CTNND2: variants seen among roughly 807,000 people sequenced by gnomAD.
CTNND2 encodes the protein catenin delta 2.
A neutral mutation model predicts 144.4 loss-of-function variants in CTNND2; 22 were observed. That is an observed-to-expected ratio of 0.15 (90% confidence interval 0.11 to 0.22). CTNND2 has a LOEUF of 0.22. CTNND2 is among the 10% of genes least tolerant of loss of function. CTNND2 has a pLI of 1.00. For synonymous variants in CTNND2, 751 were observed against 695.6 expected (o/e 1.08, Z -1.25); for missense variants, 1,353 against 1,618.8 (o/e 0.84, Z 2.82).
rs116083102 is a variant in CTNND2 at position 11,204,905 on chromosome 5, G to A, written c.1762-5244C>T. 7.3e-3 allele frequency among the ~76,000 whole-genome samples: 1,108 copies of A among 152,256 alleles called. 15 individuals carry two copies. The highest frequency in any genetic ancestry group is 0.024 in the African/African-American group (1,014 of 41,540). On this transcript the variant is annotated intron_variant, in intron 10 of 21. Transcript: ENST00000304623. ...GGCATTCAGGGCAACAGAAGATATC[G>A]CTCACCTGCTCTGCATTTGCAAAAG...
At chr5:11,153,678 AC>A (rs1757956530) in intron 12 of CTNND2, among the ~76,000 whole-genome samples, 1 of 152,238 alleles carries the variant, frequency 6.6e-6, no homozygotes, top group Non-Finnish European at 1.5e-5. Flanking sequence ...CAGTGCAGAT[AC>A]TTTGACGGGC....
intron 2 of CTNND2, among the ~76,000 whole-genome samples, chr5:11,668,911 T>C (rs188178023): frequency 1.1e-3 from 169 of 152,328 alleles, no homozygotes; most frequent in Non-Finnish European, 1.7e-3. Flanking sequence ...TTACCATAAA[T>C]AGCTCTTATT....
intron 18 of CTNND2, among the ~76,000 whole-genome samples, chr5:10,995,220 G>C (rs1460643217): frequency 6.6e-6 from 1 of 152,236 alleles, no homozygotes; most frequent in African/African-American, 2.4e-5. Context: ...GCAGAAGGCA[G>C]AGGCTGAGTC....
chr5:11,194,128 T>C (rs1157477653), intron 11 of CTNND2, among the ~76,000 whole-genome samples: 3 of 152,020 alleles, frequency 2.0e-5, no homozygotes, highest in African/African-American at 7.2e-5. Context: ...AGAGGTGAGC[T>C]GACAGATGGA....
intron 9 of CTNND2, among the ~76,000 whole-genome samples, chr5:11,320,573 C>T (rs936678535): frequency 1.3e-5 from 2 of 152,184 alleles, no homozygotes; most frequent in African/African-American, 4.8e-5. Flanking sequence ...TTCCACATGG[C>T]TGGGTGGGGG....
At chr5:11,585,188 C>G (rs1157995234) in intron 2 of CTNND2, among the ~76,000 whole-genome samples, 1 of 151,970 alleles carries the variant, frequency 6.6e-6, no homozygotes, top group Non-Finnish European at 1.5e-5. Flanking sequence ...TATCATATAC[C>G]ATGCCATAGA....
intron 1 of CTNND2, among the ~76,000 whole-genome samples, chr5:11,853,740 C>T (rs932407684): frequency 2.6e-5 from 4 of 152,226 alleles, no homozygotes; most frequent in Non-Finnish European, 4.4e-5. Flanking sequence ...GGCAGTCACT[C>T]TTAACTCAGC....
intron 9 of CTNND2, among the ~76,000 whole-genome samples, chr5:11,282,448 G>A (rs1313775296): frequency 6.6e-6 from 1 of 152,164 alleles, no homozygotes; most frequent in Non-Finnish European, 1.5e-5. Context: ...ATAATCACGT[G>A]TTGTTTTGAA....
chr5:11,895,648 A>T (rs1175972107), intron 1 of CTNND2, among the ~76,000 whole-genome samples: 1 of 126,738 alleles, frequency 7.9e-6, no homozygotes, highest in African/African-American at 2.7e-5. Context: ...GTTTAACTTC[A>T]AGCTTTAGAA....
intron 17 of CTNND2, among the ~76,000 whole-genome samples, chr5:11,020,650 CAAT>C (rs1742145108): frequency 6.6e-6 from 1 of 151,960 alleles, no homozygotes; most frequent in African/African-American, 2.4e-5. Flanking sequence ...CAGTGAAAAG[CAAT>C]AATAAAACTG....
At chr5:11,251,950 A>T (rs1484050406) in intron 9 of CTNND2, among the ~76,000 whole-genome samples, 3 of 152,218 alleles carry the variant, frequency 2.0e-5, no homozygotes, top group Admixed American at 2.0e-4. Flanking sequence ...TTATATATTT[A>T]AAAATACTAT....
chr5:11,540,858 T>C (rs1561532822), intron 3 of CTNND2, among the ~76,000 whole-genome samples: 1 of 152,306 alleles, frequency 6.6e-6, no homozygotes, highest in Middle Eastern at 3.4e-3. Context: ...TTACCTCTAG[T>C]ATGAGAGTTA....
Position 11,384,710 on chromosome 5 carries a change from C to T in CTNND2, c.1132G>A (p.Glu378Lys). The T allele has an allele frequency of 6.2e-7, 1 of 1,610,628 alleles. No individual in the cohort carries two copies. Among genetic ancestry groups the T allele is most frequent in the Non-Finnish European group, 8.5e-7 (1 of 1,179,308 alleles). ...ASEQYSKHSQ[E>K]LYATATLQRP... ...TGGAGGGTGGCCGTGGCATACAGCT[C>T]CTGCGAGTGCTTGCTGTACTGCTCG... The change falls in exon 7 of 22, where the codon GAG (glutamate) becomes AAG (lysine). Residue 378 changes from glutamate to lysine, a missense_variant. Physicochemically the swap from Glu to Lys is moderately conservative, Grantham distance 56 (BLOSUM62 1). Transcript: ENST00000304623. This position sits in a 1 kb window ranked among gnomAD's most constrained non-coding sequence, Gnocchi z 5.2.
In CTNND2 at chr5:11,384,802, T is replaced by C; in HGVS notation, c.1040A>G (p.His347Arg). The C allele has an allele frequency of 6.2e-7, 1 of 1,612,954 alleles. No individual in the cohort carries two copies. Among genetic ancestry groups the C allele is most frequent in the Non-Finnish European group, 8.5e-7 (1 of 1,179,628 alleles). ...VQSTISSSPI[H>R]QLSSTIGTYA... Reference sequence around the variant, plus strand: ...CGTGCCGATGGTGGAGCTCAGCTGGTGGATGGGCGAGGAGGAGATGGTGGA... The same window carrying C: ...CGTGCCGATGGTGGAGCTCAGCTGGCGGATGGGCGAGGAGGAGATGGTGGA... Residue 347 changes from histidine (H) to arginine (R), a missense_variant, in exon 7 of 22, where the codon CAC becomes CGC. By Grantham distance (29) the His-to-Arg change is conservative. Transcript: ENST00000304623. The surrounding 1 kb of genome is among the most constrained non-coding windows in gnomAD (Gnocchi z 5.2).
intron 1 of CTNND2, among the ~76,000 whole-genome samples, chr5:11,878,311 T>G (rs1445624243): frequency 6.6e-6 from 1 of 152,206 alleles, no homozygotes; most frequent in Non-Finnish European, 1.5e-5. Context: ...ACCTCTTCTT[T>G]ACTCTCTCTC....
chr5:11,504,578 C>T (rs1035168053), intron 3 of CTNND2, among the ~76,000 whole-genome samples: 13 of 152,136 alleles, frequency 8.5e-5, no homozygotes, highest in South Asian at 4.1e-4. Context: ...CCCACTCCTT[C>T]GGGGCCAAGA....
rs1237711188 is a variant in CTNND2, at chr5:11,817,372, A to G, written c.38-85100T>C. On this transcript the variant is annotated intron_variant, in intron 1 of 21. Transcript: ENST00000304623. The stretch of plus-strand genomic sequence containing the variant: ...GAGAGAGAGGAGGAGAGAGAGAGAG[A>G]GGGGGGGAGAGAGGGGGGAGAGAGA... Among the ~76,000 whole-genome samples the G allele has an allele frequency of 2.4e-3, 61 of 24,954 alleles. 3 individuals carry two copies. Among genetic ancestry groups the G allele is most frequent in the African/African-American group, 3.7e-3 (21 of 5,726 alleles). The allele number at this position is 24,954 out of a possible 152,430, so 16.4% of individuals were successfully genotyped here.
intron 2 of CTNND2, among the ~76,000 whole-genome samples, chr5:11,587,306 T>C (rs1245753015): frequency 1.3e-5 from 2 of 152,070 alleles, no homozygotes; most frequent in Admixed American, 1.3e-4. Context: ...GCCTTAAAAA[T>C]AAAAAGATTT....
At chr5:11,902,873 A>T (rs1233945764) in intron 1 of CTNND2, among the ~76,000 whole-genome samples, 4 of 152,074 alleles carry the variant, frequency 2.6e-5, no homozygotes, top group Non-Finnish European at 5.9e-5. Context: ...ACAGCAAAAT[A>T]CAACTTTGGG....
Sources: allele counts gnomAD v4.1 joint callset (sites outside exome capture counted in the v4.1 genomes callset), GRCh38; gene constraint gnomAD v4.1.1; non-coding constraint Gnocchi (gnomAD v3.1); transcripts MANE v1.5; gene names NCBI Gene and HGNC (gene_info 2026-07-23, HGNC 2026-07-21).